HS3ST2: variants seen among roughly 807,000 people sequenced by gnomAD.
HS3ST2 encodes the protein heparan sulfate glucosamine 3-O-sulfotransferase 2.
HS3ST2 carries 17 observed loss-of-function variants against 26.3 expected under a neutral mutation model. The observed-to-expected ratio is 0.65, with a 90% CI of 0.44 to 0.97. The LOEUF (loss-of-function observed/expected upper bound fraction) is 0.97. Among genes scored for constraint, HS3ST2 ranks in the 50% least tolerant of loss-of-function variants. The probability of loss-of-function intolerance (pLI) is 0.00; values close to 1 mark genes in which losing one functional copy is unlikely to be tolerated. For synonymous variants in HS3ST2, 237 were observed against 219.2 expected (o/e 1.08, Z -0.72); for missense variants, 402 against 501.2 (o/e 0.80, Z 1.89).
At chr16:22,838,318 G>A (rs1214832408) in intron 1 of HS3ST2, among the ~76,000 whole-genome samples, 1 of 152,036 alleles carries the variant, frequency 6.6e-6, no homozygotes, top group Non-Finnish European at 1.5e-5. Flanking sequence ...GATTCCTCTG[G>A]AATATGTTCG....
intron 1 of HS3ST2, among the ~76,000 whole-genome samples, chr16:22,821,396 A>AGGG (rs1400599216): frequency 6.6e-6 from 1 of 150,800 alleles, no homozygotes; most frequent in African/African-American, 2.4e-5. Flanking sequence ...CTTTGGTTAG[A>AGGG]CCTCTATGAA....
At chr16:22,838,740 T>C (rs1002361431) in intron 1 of HS3ST2, among the ~76,000 whole-genome samples, 1 of 152,174 alleles carries the variant, frequency 6.6e-6, no homozygotes, top group East Asian at 1.9e-4. Context: ...AGGCAGTCGA[T>C]GAAAAGTCAG....
intron 1 of HS3ST2, among the ~76,000 whole-genome samples, chr16:22,855,837 CTCCCAGCAT>C (rs1300652350): frequency 6.6e-5 from 10 of 152,208 alleles, no homozygotes; most frequent in Admixed American, 5.2e-4. Context: ...ATTTTCTTTT[CTCCCAGCAT>C]TCCCAGAAAA....
rs549488692 is a variant in HS3ST2, at chr16:22,894,772, C to T, written c.486-20172C>T. Among the ~76,000 whole-genome samples, 9 of 150,644 alleles carry T rather than the reference C, an allele frequency of 6.0e-5. 1 individual carries two copies. The South Asian group carries it at 8.4e-4, about 14-fold the overall frequency. On this transcript the variant is annotated intron_variant, in intron 1 of 1. Transcript: ENST00000261374. ...AAAAAAGGAGTTGGAGGCTGTCGTG[C>T]GCCGTGATCGTGCCACTGCACTCCA... is the stretch of plus-strand genomic sequence containing the variant.
At chr16:22,914,863 G>C in intron 1 of HS3ST2, 81 bp from the exon 2 acceptor site, 2 of 1,446,900 alleles carry the variant, frequency 1.4e-6, no homozygotes, top group Non-Finnish European at 1.9e-6. Context: ...CAGGCCCCTG[G>C]GTGGAAGGGC....
chr16:22,844,386 G>A (rs1901401722), intron 1 of HS3ST2, among the ~76,000 whole-genome samples: 1 of 152,126 alleles, frequency 6.6e-6, no homozygotes, highest in Non-Finnish European at 1.5e-5. Flanking sequence ...AGTGGGAAGA[G>A]CTTCCCTAGT....
At chr16:22,912,355 AGGGT>A (rs1351081619) in intron 1 of HS3ST2, among the ~76,000 whole-genome samples, 1 of 152,252 alleles carries the variant, frequency 6.6e-6, no homozygotes, top group Non-Finnish European at 1.5e-5. Context: ...CTGCGAGGCC[AGGGT>A]ATTGGGTGGA....
In HS3ST2 at chr16:22,834,742, A is replaced by T. The variant is rs577959908; in HGVS notation, c.485+19647A>T. Among the ~76,000 whole-genome samples, 134 of 138,928 alleles carry T rather than the reference A, an allele frequency of 9.6e-4. 1 individual carries two copies. Among genetic ancestry groups the T allele is most frequent in the Middle Eastern group, 3.7e-3 (1 of 272 alleles). The allele number at this position is 138,928 out of a possible 152,430, so 91.1% of individuals were successfully genotyped here. ...CCCACCCCTATGGCAATAGAGCTGA[A>T]GCATTTATACTTCCCTAGCACAGTC... is the stretch of plus-strand genomic sequence containing the variant. On this transcript the variant is annotated intron_variant, in intron 1 of 1. Transcript: ENST00000261374.
chr16:22,846,292 A>G (rs1164033305), intron 1 of HS3ST2, among the ~76,000 whole-genome samples: 1 of 150,416 alleles, frequency 6.6e-6, no homozygotes, highest in Admixed American at 6.6e-5. Context: ...AAAAAAAAGT[A>G]TATATGTATA....
chr16:22,915,826 A>G lies in HS3ST2; in HGVS notation c.*264A>G, dbSNP rs1044871291. On this transcript the variant is annotated 3_prime_UTR_variant, in exon 2 of 2. Coordinates refer to ENST00000261374, the MANE Select transcript of HS3ST2 (RefSeq NM_006043.2). ...TCCAGAATCATTCTCCTTTCTGCCC[A>G]TAAAGGGCCTTGGAGAATTGCTTTA... is the stretch of plus-strand genomic sequence containing the variant. 6.1e-6 allele frequency: 3 copies of G among 492,498 alleles called. No individual in the cohort carries two copies. In the East Asian group the frequency reaches 1.0e-4, roughly 17 times the overall value. The allele number at this position is 492,498 out of a possible 1,614,324, so 30.5% of individuals were successfully genotyped here. A position where few individuals can be genotyped will look rare whatever the true frequency, so the allele number is the denominator to read the frequency against.
At chr16:22,878,512 T>C (rs947736192) in intron 1 of HS3ST2, among the ~76,000 whole-genome samples, 9 of 151,976 alleles carry the variant, frequency 5.9e-5, no homozygotes, top group African/African-American at 1.9e-4. Context: ...GCTGGGTCTG[T>C]GATGCAGGGT....
Position 22,915,706 on chromosome 16 carries a change from GC to G in HS3ST2, c.*147del. ...AGTTGCATCATCTTGGAACCAGGAAGCCCAGCTAAAGCCAAGAGACCAGAGA... is the reference window on the plus strand; with the variant it reads ...AGTTGCATCATCTTGGAACCAGGAAGCCAGCTAAAGCCAAGAGACCAGAGA... On this transcript the variant is annotated 3_prime_UTR_variant, in exon 2 of 2. Transcript: ENST00000261374. 1 of 899,904 alleles carries G rather than the reference GC, an allele frequency of 1.1e-6. No homozygotes were observed. The highest frequency in any genetic ancestry group is 1.7e-6 in the Non-Finnish European group (1 of 592,002). 55.7% of individuals were successfully genotyped at this position (899,904 alleles called of 1,614,324 possible).
intron 1 of HS3ST2, among the ~76,000 whole-genome samples, chr16:22,912,372 T>C (rs78318012): frequency 0.099 from 14,994 of 152,120 alleles, 913 homozygotes; most frequent in African/African-American, 0.16. Context: ...TGGGTGGAGA[T>C]AGTGATAGGA....
intron 1 of HS3ST2, among the ~76,000 whole-genome samples, chr16:22,891,349 G>C (rs950134070): frequency 2.6e-5 from 4 of 152,178 alleles, no homozygotes; most frequent in Non-Finnish European, 4.4e-5. Flanking sequence ...TCTGCAGAGT[G>C]AGTTTTATTT....
At chr16:22,837,119 G>GCT (rs1555512056) in intron 1 of HS3ST2, among the ~76,000 whole-genome samples, 1 of 147,124 alleles carries the variant, frequency 6.8e-6, no homozygotes, top group Non-Finnish European at 1.5e-5. Flanking sequence ...TGCCTATACA[G>GCT]TTTTTTTTTT....
chr16:22,907,795 G>A (rs934927403), intron 1 of HS3ST2, among the ~76,000 whole-genome samples: 1 of 152,160 alleles, frequency 6.6e-6, no homozygotes, highest in African/African-American at 2.4e-5. Context: ...CTTAGGTGAT[G>A]GTTAAAGGCT....
intron 1 of HS3ST2, among the ~76,000 whole-genome samples, chr16:22,832,986 A>G (rs1303582040): frequency 2.0e-5 from 3 of 151,930 alleles, no homozygotes; most frequent in Non-Finnish European, 2.9e-5. Context: ...GGGGGACAAC[A>G]TCTACCCTGG....
At chr16:22,882,429 T>TA (rs1902000915) in intron 1 of HS3ST2, among the ~76,000 whole-genome samples, 3 of 151,974 alleles carry the variant, frequency 2.0e-5, no homozygotes, top group Admixed American at 2.0e-4. Context: ...GGAGTGAACT[T>TA]AGCTGCATTA....
chr16:22,825,891 C>G (rs190670508), intron 1 of HS3ST2, among the ~76,000 whole-genome samples: 1 of 152,096 alleles, frequency 6.6e-6, no homozygotes, highest in African/African-American at 2.4e-5. Context: ...GGCGTGGTGG[C>G]GTGCGCCTGT....
Sources: gnomAD v4.1 joint callset for allele counts (sites outside exome capture counted in the v4.1 genomes callset) on GRCh38, gnomAD v4.1.1 for gene constraint, MANE v1.5 for transcripts, NCBI Gene and HGNC (gene_info 2026-07-23, HGNC 2026-07-21) for gene names.